Variants in CCSER1 observed in about 807,000 individuals in gnomAD.
CCSER1 encodes coiled-coil serine rich protein 1.
In CCSER1, 41 loss-of-function variants were observed where a neutral mutation model predicts 82.0. That is an observed-to-expected ratio of 0.50 (90% CI 0.39 to 0.65). The LOEUF (loss-of-function observed/expected upper bound fraction) is 0.65. Among genes scored for constraint, CCSER1 ranks in the 30% least tolerant of loss-of-function variants. The probability of loss-of-function intolerance (pLI) is 0.00; values close to 1 mark genes in which losing one functional copy is unlikely to be tolerated. For missense variants in CCSER1, 1,119 were observed against 1,064.2 expected (o/e 1.05, Z -0.72); for synonymous variants, 414 against 383.9 (o/e 1.08, Z -0.92).
At position 90,452,393 on chromosome 4, in the gene CCSER1, G is replaced by A. The variant is rs185869625; in HGVS notation, c.1604-15841G>A. ...AGTAGGTGGTTGTCTGTTAGCCAGAGGCTCCCCTTAGAAGACAGCAGTCCT... is the reference window on the plus strand; with the variant it reads ...AGTAGGTGGTTGTCTGTTAGCCAGAAGCTCCCCTTAGAAGACAGCAGTCCT... On this transcript the variant is annotated intron_variant, in intron 4 of 10. Coordinates refer to ENST00000509176, the MANE Select transcript of CCSER1 (RefSeq NM_001145065.2). 8.1e-4 allele frequency among the ~76,000 whole-genome samples: 124 copies of A among 152,262 alleles called. 1 individual carries two copies. Among genetic ancestry groups the A allele is most frequent in the African/African-American group, 2.8e-3 (118 of 41,550 alleles).
At chr4:91,438,765 C>A (rs1470117677) in intron 10 of CCSER1, among the ~76,000 whole-genome samples, 1 of 152,054 alleles carries the variant, frequency 6.6e-6, no homozygotes, top group Non-Finnish European at 1.5e-5. Context: ...ACTAGAATAA[C>A]CAATACAGAG....
chr4:90,287,224 G>T lies in CCSER1; in HGVS notation c.-41-21020G>T, dbSNP rs114138256. 1.7e-3 allele frequency among the ~76,000 whole-genome samples: 256 copies of T among 151,748 alleles called. 2 individuals are homozygous for T. Among genetic ancestry groups the T allele is most frequent in the African/African-American group, 6.0e-3 (247 of 41,432 alleles). ...AATTAAAAAAAAACCCTACAAAATAGGGTCAGCCAAAATCAGAAGCATTTA... is the reference window on the plus strand; with the variant it reads ...AATTAAAAAAAAACCCTACAAAATATGGTCAGCCAAAATCAGAAGCATTTA... On this transcript the variant is annotated intron_variant, in intron 1 of 10. Coordinates refer to ENST00000509176, the MANE Select transcript of CCSER1 (RefSeq NM_001145065.2).
intron 10 of CCSER1, among the ~76,000 whole-genome samples, chr4:91,437,094 G>A (rs976918176): frequency 1.3e-5 from 2 of 152,226 alleles, no homozygotes; most frequent in Admixed American, 6.5e-5. Flanking sequence ...GCCATGCTTA[G>A]TGTCCTTGCC....
At chr4:90,631,482 T>G (rs1338684994) in intron 6 of CCSER1, among the ~76,000 whole-genome samples, 1 of 152,178 alleles carries the variant, frequency 6.6e-6, no homozygotes, top group Non-Finnish European at 1.5e-5. Context: ...CTTCTACAAA[T>G]AGCATTTGAA....
rs1428882192 is a variant in CCSER1 at position 91,157,150 on chromosome 4, C to T, written c.2217+71156C>T. Reference sequence around the variant, plus strand: ...ATAATTTGCCCTCTAGAAAAATAAACTACTCTAGATAGAATGATCCTAAAT... The same window carrying T: ...ATAATTTGCCCTCTAGAAAAATAAATTACTCTAGATAGAATGATCCTAAAT... On this transcript the variant is annotated intron_variant, in intron 10 of 10. Coordinates refer to ENST00000509176, the MANE Select transcript of CCSER1 (RefSeq NM_001145065.2). 2.6e-5 allele frequency among the ~76,000 whole-genome samples: 4 copies of T among 152,058 alleles called. No individual in the cohort carries two copies. The East Asian group carries it at 7.7e-4, about 29-fold the overall frequency.
At chr4:91,027,795 G>A (rs965321429) in intron 9 of CCSER1, among the ~76,000 whole-genome samples, 5 of 151,998 alleles carry the variant, frequency 3.3e-5, no homozygotes, top group African/African-American at 1.2e-4. Flanking sequence ...TTTAGTGATT[G>A]GACCTGTGTT....
chr4:90,705,680 C>G (rs1183078668), intron 6 of CCSER1, among the ~76,000 whole-genome samples: 1 of 152,144 alleles, frequency 6.6e-6, no homozygotes, highest in Non-Finnish European at 1.5e-5. Flanking sequence ...TGGTGGGCGC[C>G]CCTCCCCCAG....
chr4:90,846,514 C>T (rs567593710), intron 8 of CCSER1, among the ~76,000 whole-genome samples: 15 of 152,158 alleles, frequency 9.9e-5, no homozygotes, highest in African/African-American at 3.6e-4. Context: ...GTTTAATGAT[C>T]AAATCAAGGC....
chr4:90,686,946 CA>C (rs1382166276), intron 6 of CCSER1, among the ~76,000 whole-genome samples: 1 of 152,142 alleles, frequency 6.6e-6, no homozygotes, highest in East Asian at 1.9e-4. Context: ...CCTTACAAAA[CA>C]ATGGAAATTA....
At chr4:90,172,073 T>G (rs1220236492) in intron 1 of CCSER1, among the ~76,000 whole-genome samples, 1 of 151,874 alleles carries the variant, frequency 6.6e-6, no homozygotes, top group Non-Finnish European at 1.5e-5. Context: ...GGAATTCAAA[T>G]TTTTCTCTCT....
intron 3 of CCSER1, among the ~76,000 whole-genome samples, chr4:90,332,947 T>C (rs1026689671): frequency 6.6e-6 from 1 of 152,250 alleles, no homozygotes; most frequent in Non-Finnish European, 1.5e-5. Context: ...TTAGTTGTTA[T>C]GTCTCTTTTC....
chr4:91,427,308 G>T (rs1754042892), intron 10 of CCSER1, among the ~76,000 whole-genome samples: 1 of 152,112 alleles, frequency 6.6e-6, no homozygotes, highest in Non-Finnish European at 1.5e-5. Context: ...ATCCTGGAAA[G>T]TATTAGTCAC....
At chr4:91,197,767 A>G (rs949543093) in intron 10 of CCSER1, among the ~76,000 whole-genome samples, 4 of 152,170 alleles carry the variant, frequency 2.6e-5, no homozygotes, top group African/African-American at 9.7e-5. Context: ...AGACCTCACT[A>G]TACGTGCCCC....
chr4:91,204,052 T>C (rs1736141571), intron 10 of CCSER1, among the ~76,000 whole-genome samples: 1 of 151,904 alleles, frequency 6.6e-6, no homozygotes, highest in Non-Finnish European at 1.5e-5. Flanking sequence ...TTATAACTAT[T>C]GTTAGATAAC....
chr4:90,305,118 G>T (rs574753227), intron 1 of CCSER1, among the ~76,000 whole-genome samples: 10 of 152,000 alleles, frequency 6.6e-5, no homozygotes, highest in African/African-American at 2.4e-4. Context: ...GGGTTTCACC[G>T]TGTTAGCCAG....
rs547074035 is a variant in CCSER1 at position 90,927,050 on chromosome 4, G to A, written c.2172+3603G>A. ...ATAGCATTTTGATTACAATATTTGA[G>A]AATGCATAATCAAAATATTCTAAAG... is the stretch of plus-strand genomic sequence containing the variant. On this transcript the variant is annotated intron_variant, in intron 9 of 10. Coordinates refer to ENST00000509176, the MANE Select transcript of CCSER1 (RefSeq NM_001145065.2). Among the ~76,000 whole-genome samples, 3 of 152,078 alleles carry A rather than the reference G, an allele frequency of 2.0e-5. No homozygotes were observed. In the South Asian group the frequency reaches 6.2e-4, roughly 32 times the overall value.
At chr4:90,825,311 A>G (rs1326759016) in intron 8 of CCSER1, among the ~76,000 whole-genome samples, 1 of 152,212 alleles carries the variant, frequency 6.6e-6, no homozygotes, top group Non-Finnish European at 1.5e-5. Context: ...ACAGTTGAAT[A>G]TTTTGGATAT....
intron 1 of CCSER1, among the ~76,000 whole-genome samples, chr4:90,180,120 T>TTATATATA (rs59586682): frequency 1.3e-3 from 185 of 140,308 alleles, no homozygotes; most frequent in Middle Eastern, 3.6e-3. Context: ...GCTTATGTAG[T>TTATATATA]TATATATATA....
At position 90,526,202 on chromosome 4, in the gene CCSER1, C is replaced by A. The variant is rs187202132; in HGVS notation, c.1724+57848C>A. On this transcript the variant is annotated intron_variant, in intron 5 of 10. Coordinates refer to ENST00000509176, the MANE Select transcript of CCSER1 (RefSeq NM_001145065.2). ...CTTCTCAGATTCTCTCTACTTGTAA[C>A]TTACACTCTGTTCTTACTGTCCTGT... Among the ~76,000 whole-genome samples, 455 of 152,232 alleles carry A rather than the reference C, an allele frequency of 3.0e-3. 2 individuals carry two copies. Among genetic ancestry groups the A allele is most frequent in the Non-Finnish European group, 4.7e-3 (320 of 68,012 alleles).
Sources: allele counts gnomAD v4.1 joint callset (sites outside exome capture counted in the v4.1 genomes callset), GRCh38; gene constraint gnomAD v4.1.1; transcripts MANE v1.5; gene names NCBI Gene and HGNC (gene_info 2026-07-23, HGNC 2026-07-21).